Variants in TUSC3 observed in about 807,000 individuals in gnomAD.
TUSC3 encodes tumor suppressor candidate 3, also known as dolichyl-diphosphooligosaccharide--protein glycosyltransferase subunit TUSC3.
Under a neutral mutation model 44.8 loss-of-function variants are expected in TUSC3, and 45 were observed. The observed-to-expected ratio is 1.00, with a 90% CI of 0.79 to 1.29. TUSC3 has a LOEUF of 1.29. TUSC3 is among the 50% of genes most tolerant of loss of function. The pLI, the probability that TUSC3 is intolerant of heterozygous loss-of-function variation, is 0.00. For synonymous variants in TUSC3, 212 were observed against 152.9 expected (o/e 1.39, Z -2.85); for missense variants, 519 against 437.9 (o/e 1.19, Z -1.65).
chr8:15,749,264 T>C (rs1261247969), intron 9 of TUSC3, among the ~76,000 whole-genome samples: 1 of 152,072 alleles, frequency 6.6e-6, no homozygotes, highest in Non-Finnish European at 1.5e-5. Context: ...TGATAGAAAA[T>C]AAAAGCTCCT....
intron 1 of TUSC3, among the ~76,000 whole-genome samples, chr8:15,429,899 T>G (rs1248200960): frequency 4.6e-5 from 7 of 151,714 alleles, no homozygotes; most frequent in Non-Finnish European, 1.0e-4. Context: ...GATAAATTCC[T>G]GGACACATAC....
At chr8:15,604,694 G>A (rs997351171) in intron 1 of TUSC3, among the ~76,000 whole-genome samples, 1 of 151,760 alleles carries the variant, frequency 6.6e-6, no homozygotes, top group African/African-American at 2.4e-5. Context: ...TATTTAGAAT[G>A]TCAAAGTAAG....
At chr8:15,680,560 C>A (rs1808381216) in intron 6 of TUSC3, among the ~76,000 whole-genome samples, 1 of 152,010 alleles carries the variant, frequency 6.6e-6, no homozygotes, top group African/African-American at 2.4e-5. Flanking sequence ...TTATTCTTTT[C>A]CTATTTGGAT....
At chr8:15,443,673 G>C (rs1423394024) in intron 1 of TUSC3, among the ~76,000 whole-genome samples, 2 of 152,062 alleles carry the variant, frequency 1.3e-5, no homozygotes, top group African/African-American at 2.4e-5. Context: ...GCTGCTTCTT[G>C]CCTGGAGACT....
chr8:15,421,516 T>C (rs1026842680), intron 1 of TUSC3, among the ~76,000 whole-genome samples: 1 of 152,198 alleles, frequency 6.6e-6, no homozygotes, highest in African/African-American at 2.4e-5. Flanking sequence ...TAGTCCCCTT[T>C]GCCCCATTCT....
intron 2 of TUSC3, among the ~76,000 whole-genome samples, chr8:15,629,633 C>T (rs1805671307): frequency 6.8e-6 from 1 of 147,048 alleles, no homozygotes; most frequent in Admixed American, 6.8e-5. Flanking sequence ...TTCTGTAACA[C>T]TGCCGTAATC....
chr8:15,776,211 T>G, the TUSC3 span, among the ~76,000 whole-genome samples: 1 of 152,112 alleles, frequency 6.6e-6, no homozygotes, highest in South Asian at 2.1e-4. Context: ...AAAGCTAAAA[T>G]TAAAAATACG....
In TUSC3 at chr8:15,561,468, C is replaced by G. The variant is rs1336133342; in HGVS notation, c.138+20900C>G. ...ACTGCTGTCCTTTTGTTTGTCTGTG[C>G]CCTGCCCCCAGAGGTGGAGCCTACA... is the stretch of plus-strand genomic sequence containing the variant. On this transcript the variant is annotated intron_variant, in intron 1 of 10. Coordinates refer to ENST00000503731, the MANE Select transcript of TUSC3 (RefSeq NM_006765.4). Among the ~76,000 whole-genome samples, 23 of 142,332 alleles carry G rather than the reference C, an allele frequency of 1.6e-4. 1 individual carries two copies. Among genetic ancestry groups the G allele is most frequent in the Non-Finnish European group, 3.3e-4 (21 of 63,864 alleles). 93.4% of individuals were successfully genotyped at this position (142,332 alleles called of 152,430 possible). A position where few individuals can be genotyped will look rare whatever the true frequency, so the allele number is the denominator to read the frequency against.
chr8:15,693,800 C>T (rs1176609562), intron 6 of TUSC3, among the ~76,000 whole-genome samples: 1 of 152,058 alleles, frequency 6.6e-6, no homozygotes, highest in Non-Finnish European at 1.5e-5. Context: ...ATTTGGTTCC[C>T]TTTACATAGT....
At chr8:15,811,997 G>T in the TUSC3 span, among the ~76,000 whole-genome samples, 9 of 152,122 alleles carry the variant, frequency 5.9e-5, no homozygotes. Context: ...TTTGCCCATG[G>T]TTTGTCATTG....
intron 3 of TUSC3, among the ~76,000 whole-genome samples, chr8:15,651,493 G>A (rs1256020337): frequency 6.6e-6 from 1 of 152,148 alleles, no homozygotes; most frequent in Non-Finnish European, 1.5e-5. Context: ...AAGTAATTAA[G>A]GTTAAATGAG....
At chr8:15,622,596 A>C (rs556208641) in intron 1 of TUSC3, among the ~76,000 whole-genome samples, 3 of 152,044 alleles carry the variant, frequency 2.0e-5, no homozygotes, top group Non-Finnish European at 2.9e-5. Flanking sequence ...AGTTTTTCCT[A>C]TTTTTGACTT....
intron 2 of TUSC3, among the ~76,000 whole-genome samples, chr8:15,506,602 A>T (rs1234044738): frequency 6.6e-6 from 1 of 152,152 alleles, no homozygotes; most frequent in Non-Finnish European, 1.5e-5. Context: ...AGGAGCAAAG[A>T]CACGCCTTAC....
At chr8:15,800,900 A>G in the TUSC3 span, among the ~76,000 whole-genome samples, 730 of 152,312 alleles carry the variant, frequency 4.8e-3, 6 homozygotes, top group African/African-American at 0.017. Context: ...ACTCCAAGCA[A>G]TATGGCTAGA....
intron 6 of TUSC3, among the ~76,000 whole-genome samples, chr8:15,704,608 G>C (rs950663456): frequency 6.6e-6 from 1 of 150,528 alleles, no homozygotes; most frequent in Non-Finnish European, 1.5e-5. Context: ...GTTCTCCACA[G>C]AACACATAAA....
At chr8:15,499,996 A>G (rs1391418685) in intron 2 of TUSC3, among the ~76,000 whole-genome samples, 1 of 152,108 alleles carries the variant, frequency 6.6e-6, no homozygotes, top group Non-Finnish European at 1.5e-5. Flanking sequence ...TTTAAACTCC[A>G]TTCCTTCAAT....
intron 3 of TUSC3, among the ~76,000 whole-genome samples, chr8:15,653,245 G>A (rs1475918940): frequency 2.0e-5 from 3 of 152,150 alleles, no homozygotes; most frequent in East Asian, 3.9e-4. Context: ...TGGGAGAGGC[G>A]CAGCTCAGCA....
intron 1 of TUSC3, among the ~76,000 whole-genome samples, chr8:15,428,444 C>T (rs1799832837): frequency 6.6e-6 from 1 of 151,888 alleles, no homozygotes; most frequent in African/African-American, 2.4e-5. Flanking sequence ...GTGCATGTGT[C>T]TTTATAGCAG....
chr8:15,714,377 G>GA (rs1258615426), intron 6 of TUSC3, among the ~76,000 whole-genome samples: 2 of 151,932 alleles, frequency 1.3e-5, no homozygotes, highest in South Asian at 2.1e-4. Context: ...ATAGAGGATT[G>GA]AAAAAAATGA....
Sources: gnomAD v4.1 joint callset for allele counts (sites outside exome capture counted in the v4.1 genomes callset) on GRCh38, gnomAD v4.1.1 for gene constraint, MANE v1.5 for transcripts, NCBI Gene and HGNC (gene_info 2026-07-23, HGNC 2026-07-21) for gene names.